The following HCN1 variants were observed in gnomAD, a reference collection of about 807,000 sequenced individuals.
HCN1 encodes hyperpolarization activated cyclic nucleotide gated potassium channel 1, also known as potassium/sodium hyperpolarization-activated cyclic nucleotide-gated channel 1.
HCN1 carries 13 observed loss-of-function variants against 78.9 expected under a neutral mutation model. That is an observed-to-expected ratio of 0.16 (90% CI 0.11 to 0.26). HCN1 has a LOEUF of 0.26. HCN1 is among the 10% of genes least tolerant of loss of function. The pLI is 1.00. For synonymous variants in HCN1, 552 were observed against 455.5 expected (o/e 1.21, Z -2.70); for missense variants, 810 against 1,154.3 (o/e 0.70, Z 4.32).
chr5:45,468,406 A>G (rs912186039), intron 2 of HCN1, among the ~76,000 whole-genome samples: 15 of 152,234 alleles, frequency 9.9e-5, no homozygotes, highest in Non-Finnish European at 1.0e-4. Flanking sequence ...TAATAAACAT[A>G]TACATGTTTG....
intron 5 of HCN1, among the ~76,000 whole-genome samples, chr5:45,328,079 T>C (rs569838823): frequency 2.8e-4 from 42 of 151,672 alleles, no homozygotes; most frequent in African/African-American, 1.0e-3. Context: ...CTGTCCTCTG[T>C]GGGGAGTATG....
intron 1 of HCN1, among the ~76,000 whole-genome samples, chr5:45,678,110 CG>C: frequency 6.6e-6 from 1 of 151,798 alleles, no homozygotes; most frequent in Middle Eastern, 3.4e-3. Context: ...GTTTGGGGTT[CG>C]GCTTCCTCGG....
chr5:45,627,849 G>C (rs745490041), intron 2 of HCN1, among the ~76,000 whole-genome samples: 25 of 152,112 alleles, frequency 1.6e-4, no homozygotes, highest in Non-Finnish European at 2.9e-4. Context: ...TTGTGTACAA[G>C]AAAAATGTCA....
intron 6 of HCN1, among the ~76,000 whole-genome samples, chr5:45,278,384 T>G (rs879675422): frequency 1.3e-5 from 2 of 152,144 alleles, no homozygotes; most frequent in Non-Finnish European, 2.9e-5. Context: ...AATCAATCTT[T>G]GTGCAAGATA....
chr5:45,688,384 C>T (rs903232756), intron 1 of HCN1, among the ~76,000 whole-genome samples: 2 of 152,072 alleles, frequency 1.3e-5, no homozygotes, highest in African/African-American at 4.8e-5. Context: ...CGCTACATAA[C>T]TTCTCTGCAG....
intron 3 of HCN1, among the ~76,000 whole-genome samples, chr5:45,431,516 T>C (rs1363766106): frequency 6.6e-6 from 1 of 152,200 alleles, no homozygotes; most frequent in Non-Finnish European, 1.5e-5. Context: ...CTGGTTCCTA[T>C]GTCCAGAATG....
chr5:45,273,091 T>C (rs1185907757), intron 6 of HCN1, among the ~76,000 whole-genome samples: 1 of 152,096 alleles, frequency 6.6e-6, no homozygotes, highest in Non-Finnish European at 1.5e-5. Flanking sequence ...GATGCGTATT[T>C]ACATATTATA....
At chr5:45,370,349 A>G (rs1579845355) in intron 4 of HCN1, among the ~76,000 whole-genome samples, 1 of 152,042 alleles carries the variant, frequency 6.6e-6, no homozygotes, top group African/African-American at 2.4e-5. Context: ...CCTTAAAAAT[A>G]ATGTCCCATT....
intron 6 of HCN1, among the ~76,000 whole-genome samples, chr5:45,275,938 C>G (rs1745048820): frequency 6.6e-6 from 1 of 152,048 alleles, no homozygotes; most frequent in Non-Finnish European, 1.5e-5. Flanking sequence ...AATCAAACAC[C>G]TTGAATTATA....
intron 4 of HCN1, among the ~76,000 whole-genome samples, chr5:45,362,032 A>G (rs1747120903): frequency 6.6e-6 from 1 of 152,148 alleles, no homozygotes; most frequent in South Asian, 2.1e-4. Flanking sequence ...TAGAAGTAGA[A>G]AAAATCATTA....
Position 45,593,644 on chromosome 5 carries a change from C to CATTATTATTATT in HCN1, c.849+51529_849+51540dup, listed in dbSNP as rs71000644. Among the ~76,000 whole-genome samples the CATTATTATTATT allele has an allele frequency of 4.7e-3, 693 of 146,974 alleles. 3 individuals are homozygous for CATTATTATTATT. The highest frequency in any genetic ancestry group is 0.014 in the African/African-American group (547 of 40,224). ...ATGGCTACAGCGGGGTAGCTATTTT[C>CATTATTATTATT]ATTATTATTATTATTATTATTATTG... On this transcript the variant is annotated intron_variant, in intron 2 of 7. Coordinates refer to ENST00000303230, the MANE Select transcript of HCN1 (RefSeq NM_021072.4).
At chr5:45,422,939 T>C (rs1389280400) in intron 3 of HCN1, among the ~76,000 whole-genome samples, 6 of 152,100 alleles carry the variant, frequency 3.9e-5, no homozygotes, top group African/African-American at 1.4e-4. Context: ...ATGACATATT[T>C]AGATAGAACG....
chr5:45,626,251 T>C (rs1454640457), intron 2 of HCN1, among the ~76,000 whole-genome samples: 1 of 152,206 alleles, frequency 6.6e-6, no homozygotes, highest in East Asian at 1.9e-4. Context: ...AAACATCTAA[T>C]AATGCTTCTT....
intron 3 of HCN1, among the ~76,000 whole-genome samples, chr5:45,437,021 C>A (rs563927490): frequency 6.6e-6 from 1 of 152,274 alleles, no homozygotes; most frequent in Admixed American, 6.5e-5. Context: ...GTCAAAACAT[C>A]CCTACTATAA....
chr5:45,577,515 T>C (rs1267894775), intron 2 of HCN1, among the ~76,000 whole-genome samples: 1 of 152,090 alleles, frequency 6.6e-6, no homozygotes, highest in East Asian at 1.9e-4. Flanking sequence ...ATGTAAGAAA[T>C]ATAAAATTAT....
chr5:45,568,791 T>C (rs1561204374), intron 2 of HCN1, among the ~76,000 whole-genome samples: 1 of 152,126 alleles, frequency 6.6e-6, no homozygotes, highest in Non-Finnish European at 1.5e-5. Context: ...TTTAAAATTA[T>C]GTACGTAAGG....
At chr5:45,499,460 G>A (rs186598655) in intron 2 of HCN1, among the ~76,000 whole-genome samples, 50 of 152,240 alleles carry the variant, frequency 3.3e-4, no homozygotes, top group Admixed American at 1.7e-3. Flanking sequence ...TGCACGGTGC[G>A]TGGACCCACT....
intron 2 of HCN1, among the ~76,000 whole-genome samples, chr5:45,515,015 TTTC>T (rs1242541823): frequency 6.6e-6 from 1 of 152,040 alleles, no homozygotes; most frequent in Non-Finnish European, 1.5e-5. Context: ...TTCTTATTTA[TTTC>T]TTAATTATTA....
chr5:45,608,750 A>C (rs1687030508), intron 2 of HCN1, among the ~76,000 whole-genome samples: 1 of 152,058 alleles, frequency 6.6e-6, no homozygotes, highest in Non-Finnish European at 1.5e-5. Context: ...AGCACATATT[A>C]ATAATGGAAA....
Sources: allele counts gnomAD v4.1 joint callset (sites outside exome capture counted in the v4.1 genomes callset), GRCh38; gene constraint gnomAD v4.1.1; transcripts MANE v1.5; gene names NCBI Gene and HGNC (gene_info 2026-07-23, HGNC 2026-07-21).